The following SERPINI1 variants were observed in gnomAD, a reference collection of about 807,000 sequenced individuals.
SERPINI1 encodes the protein serpin family I member 1.
Under a neutral mutation model 41.1 loss-of-function variants are expected in SERPINI1, and 19 were observed. The ratio of observed to expected loss-of-function variants is 0.46; its 90% CI spans 0.32 to 0.68. SERPINI1 has a LOEUF of 0.68. Ranked by LOEUF, SERPINI1 falls within the 30% of genes least tolerant of loss-of-function variation. The pLI, the probability that SERPINI1 is intolerant of heterozygous loss-of-function variation, is 0.03. For synonymous variants in SERPINI1, 138 were observed against 156.6 expected, an observed-to-expected ratio of 0.88 and a Z score of 0.89; for missense variants, 460 against 479.2, an observed-to-expected ratio of 0.96 and a Z score of 0.37.
chr3:167,736,681 T>C (rs527457830), intron 1 of SERPINI1, among the ~76,000 whole-genome samples: 4 of 152,262 alleles, frequency 2.6e-5, no homozygotes, highest in African/African-American at 9.6e-5. Flanking sequence ...TTAAAACACA[T>C]GTAGTGTCAT....
chr3:167,746,896 GAGTT>G (rs1457762194), intron 1 of SERPINI1, among the ~76,000 whole-genome samples: 2 of 152,144 alleles, frequency 1.3e-5, no homozygotes, highest in African/African-American at 4.8e-5. Context: ...ATTAGCCACA[GAGTT>G]AGCCTATGAC....
At chr3:167,796,033 G>A (rs2108560669) in intron 5 of SERPINI1, among the ~76,000 whole-genome samples, 1 of 152,076 alleles carries the variant, frequency 6.6e-6, no homozygotes, top group South Asian at 2.1e-4. Context: ...TGAGCATTAA[G>A]GTGATAAATG....
chr3:167,821,582 G>C (rs1712329464), intron 6 of SERPINI1, among the ~76,000 whole-genome samples: 1 of 152,062 alleles, frequency 6.6e-6, no homozygotes, highest in African/African-American at 2.4e-5. Flanking sequence ...CTCCACACCT[G>C]GCTCGCCCTT....
chr3:167,768,561 C>T (rs1431072825), intron 1 of SERPINI1, among the ~76,000 whole-genome samples: 1 of 152,174 alleles, frequency 6.6e-6, no homozygotes, highest in Non-Finnish European at 1.5e-5. Context: ...AGTGATCATG[C>T]ATTATTTGTG....
Position 167,807,415 on chromosome 3 carries a change from AT to A in SERPINI1, c.979+77del, listed in dbSNP as rs1711687023. ...ATTAAATGATGATATTAAATCCTCTATTTACTATGGAGTTCTGGGGTAAAAT... is the reference window on the plus strand; with the variant it reads ...ATTAAATGATGATATTAAATCCTCTATTACTATGGAGTTCTGGGGTAAAAT... On this transcript the variant is annotated intron_variant, in intron 6 of 8. Coordinates refer to ENST00000446050, the MANE Select transcript of SERPINI1 (RefSeq NM_001122752.2). 4.0e-6 allele frequency: 4 copies of A among 990,028 alleles called. No homozygotes were observed. The East Asian group carries it at 9.7e-5, about 24-fold the overall frequency. The allele number at this position is 990,028 out of a possible 1,614,324, so 61.3% of individuals were successfully genotyped here.
In SERPINI1 at chr3:167,823,218, A is replaced by G. The variant is rs1195644304; in HGVS notation, c.1066+146A>G. 4.3e-6 allele frequency: 3 copies of G among 703,420 alleles called. No homozygotes were observed. In the African/African-American group the frequency reaches 5.3e-5, roughly 13 times the overall value. 43.6% of individuals were successfully genotyped at this position (703,420 alleles called of 1,614,324 possible). A position where few individuals can be genotyped will look rare whatever the true frequency, so the allele number is the denominator to read the frequency against. On this transcript the variant is annotated intron_variant, in intron 7 of 8. Transcript: ENST00000446050. ...TCAAGCAAATGCTGAACCAGCCGGA[A>G]TTTTCTAAATAGAATGTGAAGTGTG... is the stretch of plus-strand genomic sequence containing the variant.
chr3:167,765,537 C>T (rs1472525612), intron 1 of SERPINI1, among the ~76,000 whole-genome samples: 2 of 152,248 alleles, frequency 1.3e-5, no homozygotes, highest in Non-Finnish European at 2.9e-5. Context: ...GCCTCTGGGC[C>T]TGTAATGGGA....
At chr3:167,808,958 GATA>G (rs1380538922) in intron 6 of SERPINI1, among the ~76,000 whole-genome samples, 11 of 152,162 alleles carry the variant, frequency 7.2e-5, no homozygotes, top group Admixed American at 7.2e-4. Context: ...GCAATGAGTT[GATA>G]CTAATGTATT....
In SERPINI1 at chr3:167,794,681, T is replaced by C. The variant is rs758312709; in HGVS notation, c.738T>C (p.Tyr246=). ...TCTACCAAGTCCTAGAAATACCATA[T>C]GAAGGAGATGAAATAAGCATGATGC... ...GGIYQVLEIP[Y]EGDEISMMLV... The change falls in exon 5 of 9, where the codon TAT becomes TAC. Residue 246 remains tyrosine (Y), a synonymous_variant. Coordinates refer to ENST00000446050, the MANE Select transcript of SERPINI1 (RefSeq NM_001122752.2). 12 of 1,613,666 alleles carry C rather than the reference T, an allele frequency of 7.4e-6. No individual in the cohort carries two copies. The highest frequency in any genetic ancestry group is 2.2e-5 in the South Asian group (2 of 91,064).
intron 1 of SERPINI1, among the ~76,000 whole-genome samples, chr3:167,745,283 A>G (rs1024806707): frequency 2.0e-5 from 3 of 152,008 alleles, no homozygotes; most frequent in Non-Finnish European, 2.9e-5. Context: ...ATCAATTAGC[A>G]TTACATACTA....
At chr3:167,760,582 TGTG>T (rs1726344808) in intron 1 of SERPINI1, among the ~76,000 whole-genome samples, 1 of 147,810 alleles carries the variant, frequency 6.8e-6, no homozygotes, top group South Asian at 2.1e-4. Context: ...TGTGTGTGTG[TGTG>T]TGTGTGTGTG....
intron 6 of SERPINI1, among the ~76,000 whole-genome samples, chr3:167,819,444 G>A (rs1712235140): frequency 6.6e-6 from 1 of 152,192 alleles, no homozygotes. Flanking sequence ...ATTACTAAAT[G>A]TGAAAACTTG....
At chr3:167,822,389 C>G (rs1712365313) in intron 6 of SERPINI1, among the ~76,000 whole-genome samples, 1 of 152,132 alleles carries the variant, frequency 6.6e-6, no homozygotes, top group Non-Finnish European at 1.5e-5. Flanking sequence ...AAACAGTCCT[C>G]CTAATGCTAA....
intron 1 of SERPINI1, among the ~76,000 whole-genome samples, chr3:167,749,938 G>A (rs969342243): frequency 2.0e-5 from 3 of 152,138 alleles, no homozygotes; most frequent in Non-Finnish European, 4.4e-5. Context: ...AGTATGTAGT[G>A]CTCAGTAGAT....
At chr3:167,773,605 A>G (rs1172877582) in intron 1 of SERPINI1, among the ~76,000 whole-genome samples, 1 of 152,228 alleles carries the variant, frequency 6.6e-6, no homozygotes, top group Non-Finnish European at 1.5e-5. Flanking sequence ...CCACACTGCA[A>G]TAAAAATTAT....
At chr3:167,818,533 CTTAATA>C (rs1712204029) in intron 6 of SERPINI1, among the ~76,000 whole-genome samples, 1 of 151,212 alleles carries the variant, frequency 6.6e-6, no homozygotes, top group Non-Finnish European at 1.5e-5. Flanking sequence ...TTTTTTTGCT[CTTAATA>C]TTGTTTATTT....
chr3:167,776,757 T>G (rs1054192600), intron 1 of SERPINI1, among the ~76,000 whole-genome samples: 2 of 152,218 alleles, frequency 1.3e-5, no homozygotes, highest in Admixed American at 1.3e-4. Flanking sequence ...CTAGTCAAAT[T>G]GCAAGAACTC....
chr3:167,741,372 G>C (rs1725672734), intron 1 of SERPINI1, among the ~76,000 whole-genome samples: 1 of 152,164 alleles, frequency 6.6e-6, no homozygotes, highest in Non-Finnish European at 1.5e-5. Flanking sequence ...AGCACAGCCA[G>C]GCAATTCAAT....
At chr3:167,755,450 G>A (rs1264324148) in intron 1 of SERPINI1, among the ~76,000 whole-genome samples, 7 of 152,146 alleles carry the variant, frequency 4.6e-5, no homozygotes, top group Admixed American at 4.6e-4. Flanking sequence ...ATAGATGATG[G>A]TCTTATAGTA....
Sources: allele counts gnomAD v4.1 joint callset (sites outside exome capture counted in the v4.1 genomes callset), GRCh38; gene constraint gnomAD v4.1.1; transcripts MANE v1.5; gene names NCBI Gene and HGNC (gene_info 2026-07-23, HGNC 2026-07-21).